Variants in LOC400499 observed in about 807,000 individuals in gnomAD.
At chr16:11,476,316 C>T in the LOC400499 span, among the ~76,000 whole-genome samples, 1 of 151,956 alleles carries the variant, frequency 6.6e-6, no homozygotes, top group African/African-American at 2.4e-5. Flanking sequence ...GAGTCACCTC[C>T]TTAGGGGTCA....
At chr16:11,518,754 C>G in the LOC400499 span, 2 of 396,310 alleles carry the variant, frequency 5.0e-6, no homozygotes, top group African/African-American at 4.1e-5. Context: ...AAGATGGCAT[C>G]TCTTTGCTAC....
the LOC400499 span, among the ~76,000 whole-genome samples, chr16:11,453,459 C>T: frequency 6.6e-6 from 1 of 152,050 alleles, no homozygotes; most frequent in African/African-American, 2.4e-5. Context: ...TCCGAGGCAA[C>T]AGATAAAACT....
At chr16:11,399,266 T>G in the LOC400499 span, 7 of 984,958 alleles carry the variant, frequency 7.1e-6, no homozygotes, top group Non-Finnish European at 6.0e-6. Flanking sequence ...CTTGCTTTTC[T>G]TGTCTTCCAG....
At chr16:11,380,402 A>C in the LOC400499 span, among the ~76,000 whole-genome samples, 5 of 152,184 alleles carry the variant, frequency 3.3e-5, no homozygotes, top group Admixed American at 3.3e-4. Flanking sequence ...TAACATGGTG[A>C]AACCTCGTCT....
At chr16:11,522,267 T>C in the LOC400499 span, among the ~76,000 whole-genome samples, 2 of 152,192 alleles carry the variant, frequency 1.3e-5, no homozygotes, top group East Asian at 1.9e-4. Flanking sequence ...GGTAGCTGCA[T>C]ACCCTCATAA....
chr16:11,455,907 G>C, the LOC400499 span, among the ~76,000 whole-genome samples: 1 of 152,022 alleles, frequency 6.6e-6, no homozygotes, highest in Non-Finnish European at 1.5e-5. Flanking sequence ...CACAAGAGCA[G>C]AGAGCATAAT....
chr16:11,521,485 C>G, the LOC400499 span, among the ~76,000 whole-genome samples: 305 of 152,236 alleles, frequency 2.0e-3, no homozygotes, highest in African/African-American at 6.8e-3. Flanking sequence ...TAGTGTTTGC[C>G]TATAACCTGA....
chr16:11,515,857 C>T, the LOC400499 span: 1 of 192,928 alleles, frequency 5.2e-6, no homozygotes, highest in South Asian at 3.1e-4. Context: ...CCCGGCCCAG[C>T]CCAGCCCAGC....
At chr16:11,431,362 CCTT>C in the LOC400499 span, 2 of 397,626 alleles carry the variant, frequency 5.0e-6, no homozygotes, top group African/African-American at 4.1e-5. Context: ...ATCAGTTTCT[CCTT>C]CTGCAAAGTG....
At chr16:11,397,765 G>T in the LOC400499 span, among the ~76,000 whole-genome samples, 12 of 37,830 alleles carry the variant, frequency 3.2e-4, no homozygotes, top group Admixed American at 3.3e-3. Context: ...GATGGAGGGA[G>T]GGAGGGATGG....
the LOC400499 span, among the ~76,000 whole-genome samples, chr16:11,505,245 C>T: frequency 6.6e-6 from 1 of 151,838 alleles, no homozygotes; most frequent in Admixed American, 6.6e-5. Context: ...CTTGCAATTG[C>T]TAAGGACAGA....
the LOC400499 span, among the ~76,000 whole-genome samples, chr16:11,465,846 G>A: frequency 6.6e-6 from 1 of 151,460 alleles, no homozygotes; most frequent in Non-Finnish European, 1.5e-5. Context: ...AAAGACGTGG[G>A]AAGAGGAAAA....
chr16:11,448,024 C>G, the LOC400499 span: 2 of 1,536,048 alleles, frequency 1.3e-6, no homozygotes, highest in Non-Finnish European at 8.7e-7. Context: ...CCGAGGCTGG[C>G]CCTGGGCACC....
chr16:11,377,901 G>A, the LOC400499 span, among the ~76,000 whole-genome samples: 1 of 152,326 alleles, frequency 6.6e-6, no homozygotes, highest in East Asian at 1.9e-4. Context: ...ATTCACCAGT[G>A]AAGGCATCTG....
chr16:11,385,415 G>C, the LOC400499 span: 4 of 1,232,292 alleles, frequency 3.2e-6, no homozygotes, highest in Admixed American at 8.4e-5. Context: ...CCAGGGCATG[G>C]TCTGGGTAGA....
chr16:11,515,790 A>AGGAGGAGGAGAAAAAGGGC, the LOC400499 span: 1 of 400,054 alleles, frequency 2.5e-6, no homozygotes, highest in Non-Finnish European at 4.4e-6. Context: ...AGGAAAAGGG[A>AGGAGGAGGAGAAAAAGGGC]GGAGGAGGAG....
the LOC400499 span, chr16:11,372,613 G>A: frequency 2.1e-5 from 9 of 423,960 alleles, no homozygotes; most frequent in South Asian, 2.9e-4. Flanking sequence ...TGAGTTTCCC[G>A]GCATTCCATG....
the LOC400499 span, among the ~76,000 whole-genome samples, chr16:11,415,993 T>G: frequency 6.6e-6 from 1 of 151,274 alleles, no homozygotes; most frequent in South Asian, 2.1e-4. Flanking sequence ...TTTCACTCTG[T>G]GGCCCAGGCT....
chr16:11,390,449 G>T, the LOC400499 span: 5 of 1,246,576 alleles, frequency 4.0e-6, no homozygotes, highest in Non-Finnish European at 5.0e-6. Flanking sequence ...GCATCCTTCA[G>T]TGTGGCCAGG....
Sources: gnomAD v4.1 joint callset for allele counts (sites outside exome capture counted in the v4.1 genomes callset) on GRCh38, gnomAD v4.1.1 for gene constraint, MANE v1.5 for transcripts.